The following UBXN8 variants were observed in gnomAD, a reference collection of about 807,000 sequenced individuals.
The protein encoded by UBXN8 is UBX domain protein 8.
A neutral mutation model predicts 32.1 loss-of-function variants in UBXN8; 27 were observed. That is an observed-to-expected ratio of 0.84 (90% CI 0.62 to 1.16). The LOEUF is 1.16. Ranked by LOEUF, UBXN8 falls within the 50% of genes most tolerant of loss-of-function variation. UBXN8 has a pLI of 0.00. For missense variants in UBXN8, 306 were observed against 311.4 expected (o/e 0.98, Z 0.13); for synonymous variants, 109 against 111.8 (o/e 0.98, Z 0.16).
chr8:30,736,684 G>C (rs1350398417), intron 1 of UBXN8, among the ~76,000 whole-genome samples: 1 of 152,156 alleles, frequency 6.6e-6, no homozygotes, highest in African/African-American at 2.4e-5. Flanking sequence ...TGTTGGCCAG[G>C]CTAGTCTCAA....
At chr8:30,757,172 A>G (rs1805686393) in intron 5 of UBXN8, among the ~76,000 whole-genome samples, 1 of 150,190 alleles carries the variant, frequency 6.7e-6, no homozygotes, top group African/African-American at 2.5e-5. Flanking sequence ...AAAAAAAAAA[A>G]GAATAATTTT....
intron 5 of UBXN8, among the ~76,000 whole-genome samples, chr8:30,758,789 A>C: frequency 6.6e-6 from 1 of 152,134 alleles, no homozygotes; most frequent in Non-Finnish European, 1.5e-5. Flanking sequence ...TAGCAAATGC[A>C]GGTAAGGTTA....
In UBXN8 at chr8:30,751,583, T is replaced by G. The variant is rs1023962952; in HGVS notation, c.211+65T>G. The G allele has an allele frequency of 5.1e-6, 7 of 1,375,342 alleles. No homozygotes were observed. The African/African-American group carries it at 1.0e-4, about 20-fold the overall frequency. 85.2% of individuals were successfully genotyped at this position (1,375,342 alleles called of 1,614,324 possible). ...CTCAAATTTATTTATTCTAGAACTT[T>G]GCACAGTAAGAGCCATTTTACTATT... On this transcript the variant is annotated intron_variant, in intron 2 of 7. Coordinates refer to ENST00000265616, the MANE Select transcript of UBXN8 (RefSeq NM_005671.4).
intron 5 of UBXN8, among the ~76,000 whole-genome samples, chr8:30,757,236 A>G (rs1285127560): frequency 6.6e-6 from 1 of 151,956 alleles, no homozygotes; most frequent in Non-Finnish European, 1.5e-5. Flanking sequence ...ATAAAGACAA[A>G]TGATAATAGG....
intron 5 of UBXN8, among the ~76,000 whole-genome samples, chr8:30,759,181 C>A (rs540871260): frequency 1.3e-5 from 2 of 151,870 alleles, no homozygotes; most frequent in Admixed American, 1.3e-4. Flanking sequence ...GCGTGAGCCA[C>A]CACGCCCGGC....
At chr8:30,742,719 C>T (rs1271690670), upstream of UBXN8, among the ~76,000 whole-genome samples, 4 of 152,106 alleles carry the variant, frequency 2.6e-5, no homozygotes, top group African/African-American at 9.7e-5. Flanking sequence ...CCACCCTTCC[C>T]GGACATCCTT....
At position 30,766,462 on chromosome 8, in the gene UBXN8, T is replaced by C. The variant is rs1028718545; in HGVS notation, c.*68T>C. 3.5e-6 allele frequency: 5 copies of C among 1,434,756 alleles called. No individual in the cohort carries two copies. The highest frequency in any genetic ancestry group is 1.4e-5 in the African/African-American group (1 of 70,212). 88.9% of individuals were successfully genotyped at this position (1,434,756 alleles called of 1,614,324 possible). On this transcript the variant is annotated 3_prime_UTR_variant, in exon 8 of 8. Transcript: ENST00000265616. Reference sequence around the variant, plus strand: ...TATGACCTTCTGGCACAATAAAGGCTTCACTTTCAAATCACACTATACCTT... The same window carrying C: ...TATGACCTTCTGGCACAATAAAGGCCTCACTTTCAAATCACACTATACCTT...
upstream of UBXN8, among the ~76,000 whole-genome samples, chr8:30,731,224 G>A (rs28845178): frequency 0.091 from 13,919 of 152,206 alleles, 1,847 homozygotes; most frequent in African/African-American, 0.29. Flanking sequence ...GAGGGGGACC[G>A]GGCTCAAGGA....
chr8:30,760,737 A>G (rs1054283192), intron 5 of UBXN8, 151 bp from the exon 6 acceptor site: 2 of 579,292 alleles, frequency 3.5e-6, no homozygotes, highest in African/African-American at 2.0e-5. Context: ...TAATTGAACT[A>G]TTTTCATTAT....
intron 2 of UBXN8, 133 bp from the exon 3 acceptor site, chr8:30,752,902 C>T (rs1805551621): frequency 3.0e-6 from 3 of 990,644 alleles, no homozygotes; most frequent in Non-Finnish European, 4.1e-6. Flanking sequence ...ACATAAATGA[C>T]AATGTGATGT....
chr8:30,744,627 G>T (rs1026081743), intron 1 of UBXN8, among the ~76,000 whole-genome samples: 7 of 152,244 alleles, frequency 4.6e-5, no homozygotes, highest in African/African-American at 1.4e-4. Context: ...TTTAGAGACA[G>T]GGTCTCACTA....
chr8:30,744,051 A>G, upstream of UBXN8: 1 of 736,162 alleles, frequency 1.4e-6, no homozygotes. Flanking sequence ...CTCCCCCTCA[A>G]TAACGACACG....
chr8:30,753,989 CCCAGCACTTTGA>C (rs1425781006), intron 3 of UBXN8, among the ~76,000 whole-genome samples: 6 of 152,130 alleles, frequency 3.9e-5, no homozygotes, highest in Non-Finnish European at 7.3e-5. Flanking sequence ...CGCCTGTAAT[CCCAGCACTTTGA>C]GAGGCTGAGA....
At chr8:30,754,466 T>C in intron 3 of UBXN8, 199 bp from the exon 4 acceptor site, 1 of 659,734 alleles carries the variant, frequency 1.5e-6, no homozygotes, top group Non-Finnish European at 2.7e-6. Flanking sequence ...ATCAGGCAGG[T>C]CAAAAACAAA....
intron 5 of UBXN8, among the ~76,000 whole-genome samples, chr8:30,758,040 C>T (rs1034429352): frequency 3.3e-5 from 5 of 151,684 alleles, no homozygotes; most frequent in Admixed American, 6.6e-5. Flanking sequence ...GGACTACAGG[C>T]GCCCACCACC....
chr8:30,766,455 T>C lies in UBXN8; in HGVS notation c.*61T>C. On this transcript the variant is annotated 3_prime_UTR_variant, in exon 8 of 8. Coordinates refer to ENST00000265616, the MANE Select transcript of UBXN8 (RefSeq NM_005671.4). ...GTTATGCTATGACCTTCTGGCACAA[T>C]AAAGGCTTCACTTTCAAATCACACT... The C allele has an allele frequency of 6.9e-7, 1 of 1,449,588 alleles. No homozygotes were observed. The highest frequency in any genetic ancestry group is 9.2e-7 in the Non-Finnish European group (1 of 1,092,592). The allele number at this position is 1,449,588 out of a possible 1,614,324, so 89.8% of individuals were successfully genotyped here. A position where few individuals can be genotyped will look rare whatever the true frequency, so the allele number is the denominator to read the frequency against.
At chr8:30,752,899 T>C in intron 2 of UBXN8, 136 bp from the exon 3 acceptor site, 1 of 990,652 alleles carries the variant, frequency 1.0e-6, no homozygotes. Flanking sequence ...CAAACATAAA[T>C]GACAATGTGA....
At chr8:30,762,589 C>A (rs1049097990) in intron 6 of UBXN8, among the ~76,000 whole-genome samples, 4 of 152,080 alleles carry the variant, frequency 2.6e-5, no homozygotes, top group African/African-American at 9.7e-5. Flanking sequence ...GATGGGGTTT[C>A]ACCGTGTTGG....
chr8:30,753,224 G>A, intron 3 of UBXN8, 119 bp downstream of exon 3: 1 of 1,264,084 alleles, frequency 7.9e-7, no homozygotes, highest in Non-Finnish European at 1.0e-6. Flanking sequence ...ATATAATGAG[G>A]TCAAATTCAC....
Sources: allele counts gnomAD v4.1 joint callset (sites outside exome capture counted in the v4.1 genomes callset), GRCh38; gene constraint gnomAD v4.1.1; transcripts MANE v1.5; gene names NCBI Gene and HGNC (gene_info 2026-07-23, HGNC 2026-07-21).